Variants in METTL25 observed in about 807,000 individuals in gnomAD.
The protein encoded by METTL25 is methyltransferase like 25.
A neutral mutation model predicts 71.6 loss-of-function variants in METTL25; 64 were observed. That is an observed-to-expected ratio of 0.89 (90% CI 0.73 to 1.10). The LOEUF is 1.10. METTL25 is among the 50% of genes least tolerant of loss of function. METTL25 has a pLI of 0.00. For missense variants in METTL25, 807 were observed against 707.0 expected (o/e 1.14, Z -1.60); for synonymous variants, 287 against 250.3 (o/e 1.15, Z -1.38).
At chr12:82,451,216 GTGAA>G (rs1891126576) in intron 8 of METTL25, 1 of 756,684 alleles carries the variant, frequency 1.3e-6, no homozygotes, top group African/African-American at 1.9e-5. Context: ...TTTCTTAAAA[GTGAA>G]TGCTTCATGC....
intron 1 of METTL25, among the ~76,000 whole-genome samples, chr12:82,380,811 A>C (rs1279573649): frequency 1.3e-5 from 2 of 152,238 alleles, no homozygotes; most frequent in Admixed American, 6.5e-5. Context: ...ATAAAGACTC[A>C]GAGGGTGATG....
At chr12:82,388,699 G>A (rs770330831) in intron 2 of METTL25, 1 of 152,136 alleles carries the variant, frequency 6.6e-6, no homozygotes, top group Non-Finnish European at 1.5e-5. Flanking sequence ...TCCAGTACAA[G>A]AAAGAGTTGA....
intron 9 of METTL25, among the ~76,000 whole-genome samples, chr12:82,466,107 T>C (rs1230932031): frequency 1.3e-5 from 2 of 151,730 alleles, no homozygotes; most frequent in Non-Finnish European, 2.9e-5. Context: ...TGCTCTGATC[T>C]TAATTTTTTT....
At chr12:82,472,220 A>G (rs1366611173) in intron 9 of METTL25, among the ~76,000 whole-genome samples, 1 of 152,166 alleles carries the variant, frequency 6.6e-6, no homozygotes, top group African/African-American at 2.4e-5. Context: ...TGAGTACATA[A>G]AAGTGTGAGA....
chr12:82,427,200 G>A (rs571851074), intron 5 of METTL25, among the ~76,000 whole-genome samples: 3 of 151,978 alleles, frequency 2.0e-5, no homozygotes, highest in Admixed American at 6.6e-5. Flanking sequence ...TACTCCTCAA[G>A]CAGTGGATTT....
chr12:82,372,869 G>GA, intron 1 of METTL25, among the ~76,000 whole-genome samples: 1 of 152,284 alleles, frequency 6.6e-6, no homozygotes, highest in East Asian at 1.9e-4. Flanking sequence ...CGTAGCAGCA[G>GA]AAACACTTCT....
At chr12:82,427,687 T>G (rs2137132679) in intron 5 of METTL25, among the ~76,000 whole-genome samples, 1 of 152,078 alleles carries the variant, frequency 6.6e-6, no homozygotes, top group East Asian at 1.9e-4. Context: ...AGAAAAAGAC[T>G]TCTGTGTTAA....
At chr12:82,456,501 C>T (rs1295813571) in intron 8 of METTL25, among the ~76,000 whole-genome samples, 1 of 151,918 alleles carries the variant, frequency 6.6e-6, no homozygotes, top group Admixed American at 6.6e-5. Context: ...AAACTTCTTT[C>T]TCACAGCCTT....
intron 3 of METTL25, among the ~76,000 whole-genome samples, chr12:82,395,116 G>T (rs1335783676): frequency 6.6e-6 from 1 of 151,976 alleles, no homozygotes; most frequent in African/African-American, 2.4e-5. Context: ...TTTCTACTCT[G>T]TTAGGTTGTA....
chr12:82,372,125 C>T (rs146780202), intron 1 of METTL25, among the ~76,000 whole-genome samples: 90 of 152,290 alleles, frequency 5.9e-4, no homozygotes, highest in African/African-American at 2.1e-3. Flanking sequence ...AGCATGATGT[C>T]TCTCCAAGTA....
chr12:82,445,861 A>G (rs1246144455), intron 8 of METTL25, among the ~76,000 whole-genome samples: 1 of 152,182 alleles, frequency 6.6e-6, no homozygotes, highest in African/African-American at 2.4e-5. Flanking sequence ...TGTGCAAAAA[A>G]CTTGTACTAT....
chr12:82,369,726 C>T (rs1480726401), intron 1 of METTL25, among the ~76,000 whole-genome samples: 1 of 152,160 alleles, frequency 6.6e-6, no homozygotes, highest in African/African-American at 2.4e-5. Context: ...TTTGACCCCA[C>T]CCACGTCCTG....
At chr12:82,463,713 A>C (rs1050682637) in intron 9 of METTL25, among the ~76,000 whole-genome samples, 1 of 151,870 alleles carries the variant, frequency 6.6e-6, no homozygotes, top group African/African-American at 2.4e-5. Flanking sequence ...AGTCTATAGG[A>C]GTTCCTTTTT....
At chr12:82,415,401 A>C (rs1887890661) in intron 5 of METTL25, among the ~76,000 whole-genome samples, 1 of 152,132 alleles carries the variant, frequency 6.6e-6, no homozygotes, top group Non-Finnish European at 1.5e-5. Context: ...AGTAGAAAAA[A>C]AGGATATTGT....
intron 3 of METTL25, 110 bp downstream of exon 3, chr12:82,390,032 TAG>T: frequency 1.5e-6 from 1 of 648,860 alleles, no homozygotes; most frequent in Admixed American, 2.7e-5. Flanking sequence ...CATTAAATAA[TAG>T]CATCATTTAA....
intron 5 of METTL25, among the ~76,000 whole-genome samples, chr12:82,409,294 G>C (rs4143187): frequency 0.92 from 140,275 of 152,182 alleles, 64,996 homozygotes; most frequent in East Asian, 1. Flanking sequence ...CAAGAAATAC[G>C]AGAAACATTT....
chr12:82,369,408 T>G (rs1235532162), intron 1 of METTL25: 1 of 434,210 alleles, frequency 2.3e-6, no homozygotes, highest in Admixed American at 2.6e-5. Flanking sequence ...TCTTGCTGAC[T>G]TCAAGAATGA....
chr12:82,409,505 C>T (rs967645932), intron 5 of METTL25, among the ~76,000 whole-genome samples: 1 of 151,724 alleles, frequency 6.6e-6, no homozygotes, highest in African/African-American at 2.4e-5. Context: ...GGAAGCACTA[C>T]TAGTTACCAA....
chr12:82,446,721 A>T (rs376257403), intron 8 of METTL25, among the ~76,000 whole-genome samples: 1 of 149,424 alleles, frequency 6.7e-6, no homozygotes, highest in East Asian at 2.0e-4. Flanking sequence ...GATTCAAGCT[A>T]TTCTCCTGCC....
Sources: allele counts gnomAD v4.1 joint callset (sites outside exome capture counted in the v4.1 genomes callset), GRCh38; gene constraint gnomAD v4.1.1; transcripts MANE v1.5; gene names NCBI Gene and HGNC (gene_info 2026-07-23, HGNC 2026-07-21).